Variants in DENND5A observed in about 807,000 individuals in gnomAD.
DENND5A encodes the protein DENN domain containing 5A.
Under a neutral mutation model 140.3 loss-of-function variants are expected in DENND5A, and 64 were observed. The observed-to-expected ratio is 0.46, with a 90% CI of 0.37 to 0.56. DENND5A has a LOEUF of 0.56. Among genes scored for constraint, DENND5A ranks in the 20% least tolerant of loss-of-function variants. The probability of loss-of-function intolerance (pLI) is 0.00; values close to 1 mark genes in which losing one functional copy is unlikely to be tolerated. For synonymous variants in DENND5A, 605 were observed against 607.7 expected (o/e 1.00, Z 0.07); for missense variants, 1,292 against 1,593.8 (o/e 0.81, Z 3.22).
Position 9,207,585 on chromosome 11 carries a change from G to C in DENND5A, c.157C>G (p.Pro53Ala). 6.2e-7 allele frequency: 1 copy of C among 1,613,282 alleles called. No individual in the cohort carries two copies. Among genetic ancestry groups the C allele is most frequent in the Non-Finnish European group, 8.5e-7 (1 of 1,179,472 alleles). ...QASKARDGAS[P>A]FISSTTEGEN... Reference sequence around the variant, plus strand: ...CCTTCAGTCGTACTTGAAATGAAAGGGCTGGCACCATCCCTGGCTTTAGAA... The same window carrying C: ...CCTTCAGTCGTACTTGAAATGAAAGCGCTGGCACCATCCCTGGCTTTAGAA... The change falls in exon 2 of 23, where the codon CCT (proline) becomes GCT (alanine). Residue 53 changes from proline (P) to alanine (A), a missense_variant. Pro to Ala is a conservative substitution (Grantham distance 27, BLOSUM62 -1). This residue lies in a region of DENND5A where 566 missense variants were observed against 650.4 expected (regional missense o/e 0.87). Coordinates refer to ENST00000328194, the MANE Select transcript of DENND5A (RefSeq NM_015213.4).
At chr11:9,159,647 T>C (rs903582644) in intron 12 of DENND5A, among the ~76,000 whole-genome samples, 1 of 152,218 alleles carries the variant, frequency 6.6e-6, no homozygotes, top group East Asian at 1.9e-4. Flanking sequence ...CAAGTTTTTG[T>C]GTAGACATAT....
At chr11:9,203,540 G>T in intron 4 of DENND5A, 120 bp downstream of exon 4, 1 of 1,184,454 alleles carries the variant, frequency 8.4e-7, no homozygotes, top group Non-Finnish European at 1.2e-6. Context: ...ACCTGCAAAA[G>T]ATCTGGGTTT....
At chr11:9,152,468 C>T (rs775135543) in intron 12 of DENND5A, 26 bp from the exon 13 acceptor site, 3 of 1,532,784 alleles carry the variant, frequency 2.0e-6, no homozygotes, top group African/African-American at 2.7e-5. Context: ...GGGAGAAACA[C>T]CTATCAGTTT....
At chr11:9,255,206 A>G (rs1221152413) in intron 1 of DENND5A, among the ~76,000 whole-genome samples, 1 of 152,262 alleles carries the variant, frequency 6.6e-6, no homozygotes, top group Non-Finnish European at 1.5e-5. Flanking sequence ...ATTGGTAAGG[A>G]TATGAATAAA....
chr11:9,212,114 G>T, intron 1 of DENND5A, among the ~76,000 whole-genome samples: 1 of 152,074 alleles, frequency 6.6e-6, no homozygotes, highest in Non-Finnish European at 1.5e-5. Context: ...GCTGGGCGTG[G>T]TAGCTCACAC....
intron 1 of DENND5A, among the ~76,000 whole-genome samples, chr11:9,216,511 G>C (rs1850099024): frequency 2.0e-5 from 3 of 152,216 alleles, no homozygotes; most frequent in Non-Finnish European, 2.9e-5. Context: ...GCTTGAGAAA[G>C]GCTGAGATAC....
intron 11 of DENND5A, among the ~76,000 whole-genome samples, chr11:9,161,363 T>C (rs1305630959): frequency 1.3e-5 from 2 of 151,296 alleles, no homozygotes; most frequent in South Asian, 2.1e-4. Context: ...AAAAAAAATA[T>C]GTAGTTAAGG....
chr11:9,231,713 C>T (rs1850779118), intron 1 of DENND5A, among the ~76,000 whole-genome samples: 1 of 22,868 alleles, frequency 4.4e-5, no homozygotes, highest in African/African-American at 1.9e-4. Context: ...GAAACTCCGT[C>T]TCAAAAAAAA....
intron 4 of DENND5A, among the ~76,000 whole-genome samples, chr11:9,199,908 A>G (rs1008722962): frequency 5.3e-5 from 8 of 152,228 alleles, no homozygotes; most frequent in African/African-American, 7.2e-5. Context: ...TTTACATCCA[A>G]TGAAAAGTAA....
intron 1 of DENND5A, among the ~76,000 whole-genome samples, chr11:9,236,106 C>T (rs1850988417): frequency 6.6e-6 from 1 of 151,816 alleles, no homozygotes; most frequent in Admixed American, 6.6e-5. Flanking sequence ...CCCAGTAGTC[C>T]CAGCTACTCA....
intron 1 of DENND5A, among the ~76,000 whole-genome samples, chr11:9,210,276 T>A (rs1207371522): frequency 6.6e-6 from 1 of 152,218 alleles, no homozygotes; most frequent in Non-Finnish European, 1.5e-5. Context: ...TGTCCTATTG[T>A]CCTAGAAACA....
rs202076704 is a variant in DENND5A, at chr11:9,212,879, T to C, written c.110-5247A>G. Among the ~76,000 whole-genome samples, 4 of 151,188 alleles carry C rather than the reference T, an allele frequency of 2.6e-5. No individual in the cohort carries two copies. The East Asian group carries it at 7.7e-4, about 29-fold the overall frequency. On this transcript the variant is annotated intron_variant, in intron 1 of 22. Coordinates refer to ENST00000328194, the MANE Select transcript of DENND5A (RefSeq NM_015213.4). ...AAAGAATGGTGGGGAAGGGGGAGAG[T>C]TGGGTGGTTGTGGGGAGAGGAAGGT...
chr11:9,145,097 T>A lies in DENND5A; in HGVS notation c.3020A>T (p.Lys1007Met). 1 of 1,613,160 alleles carries A rather than the reference T, an allele frequency of 6.2e-7. No homozygotes were observed. Among genetic ancestry groups the A allele is most frequent in the Non-Finnish European group, 8.5e-7 (1 of 1,179,114 alleles). The change falls in exon 18 of 23, where the codon AAG (lysine) becomes ATG (methionine). Residue 1007 changes from lysine to methionine, a missense_variant. Transcript: ENST00000328194. Reference protein sequence around the residue: ...EMTFECQNLGKLTTVQIGHDN... With the variant: ...EMTFECQNLGMLTTVQIGHDN... ...ATGGCCAATCTGGACAGTAGTAAGC[T>A]TCCCCAAGTTCTGGCACTATTAGAG...
At chr11:9,160,635 C>CA in intron 12 of DENND5A, 78 bp downstream of exon 12, 1 of 1,398,464 alleles carries the variant, frequency 7.2e-7, no homozygotes, top group East Asian at 2.3e-5. Flanking sequence ...GTCAGCTGGA[C>CA]AAAAAGAGTG....
intron 10 of DENND5A, 109 bp from the exon 11 acceptor site, chr11:9,166,076 TTTTTC>T: frequency 6.8e-6 from 7 of 1,029,252 alleles, no homozygotes; most frequent in Admixed American, 2.6e-5. Context: ...ATTTTCTTTT[TTTTTC>T]TTTTTCTTTT....
At chr11:9,140,930 C>A (rs1466252944) in intron 22 of DENND5A, among the ~76,000 whole-genome samples, 5 of 152,136 alleles carry the variant, frequency 3.3e-5, no homozygotes, top group Non-Finnish European at 7.3e-5. Flanking sequence ...AGTTCAAGAC[C>A]AGCCTGACCA....
intron 1 of DENND5A, among the ~76,000 whole-genome samples, chr11:9,245,112 G>A (rs1291059914): frequency 4.6e-5 from 7 of 151,518 alleles, no homozygotes; most frequent in Non-Finnish European, 7.4e-5. Context: ...CTGAAACCCC[G>A]TTTCTACTAA....
intron 1 of DENND5A, among the ~76,000 whole-genome samples, chr11:9,250,043 T>TAAA (rs145412972): frequency 0.026 from 3,019 of 115,418 alleles, 97 homozygotes; most frequent in African/African-American, 0.089. Flanking sequence ...AAAATAAAAT[T>TAAA]TAAAAAAAAA....
At chr11:9,153,077 A>G (rs1847681057) in intron 12 of DENND5A, among the ~76,000 whole-genome samples, 1 of 149,560 alleles carries the variant, frequency 6.7e-6, no homozygotes, top group Non-Finnish European at 1.5e-5. Context: ...CAACCCCAAC[A>G]CTGGGAGGCC....
Sources: allele counts gnomAD v4.1 joint callset (sites outside exome capture counted in the v4.1 genomes callset), GRCh38; gene constraint gnomAD v4.1.1; regional missense constraint gnomAD v4.1.1; transcripts MANE v1.5; gene names NCBI Gene and HGNC (gene_info 2026-07-23, HGNC 2026-07-21).